The following TJP1 variants were observed in gnomAD, a reference collection of about 807,000 sequenced individuals.
TJP1 encodes tight junction protein ZO-1.
A neutral mutation model predicts 194.2 loss-of-function variants in TJP1; 43 were observed. The ratio of observed to expected loss-of-function variants is 0.22; its 90% CI spans 0.17 to 0.29. The LOEUF (loss-of-function observed/expected upper bound fraction) is 0.29, where lower values mean the gene tolerates loss of function less well. TJP1 is among the 10% of genes least tolerant of loss of function. The pLI is 1.00. For synonymous variants in TJP1, 801 were observed against 779.0 expected (o/e 1.03, Z -0.47); for missense variants, 1,971 against 2,185.7 (o/e 0.90, Z 1.96).
intron 15 of TJP1, 55 bp downstream of exon 15, chr15:29,732,378 T>C: frequency 7.0e-7 from 1 of 1,424,914 alleles, no homozygotes; most frequent in Non-Finnish European, 9.8e-7. Flanking sequence ...CAGAACTCAC[T>C]CACTTTAGAG....
At chr15:29,955,105 A>C (rs1204775600) in intron 2 of TJP1, among the ~76,000 whole-genome samples, 1 of 152,090 alleles carries the variant, frequency 6.6e-6, no homozygotes, top group Non-Finnish European at 1.5e-5. Context: ...ATAATAATAG[A>C]GTATTCACAT....
At chr15:29,945,797 A>G (rs1219530625) in intron 2 of TJP1, among the ~76,000 whole-genome samples, 2 of 97,156 alleles carry the variant, frequency 2.1e-5, no homozygotes, top group Non-Finnish European at 4.8e-5. Context: ...ACACACACAC[A>G]CACGCACACA....
intron 2 of TJP1, among the ~76,000 whole-genome samples, chr15:29,917,411 C>T (rs908151018): frequency 2.6e-5 from 4 of 152,220 alleles, no homozygotes; most frequent in African/African-American, 9.6e-5. Flanking sequence ...GTATTACCTC[C>T]TCTCCCTCCT....
intron 8 of TJP1, among the ~76,000 whole-genome samples, chr15:29,748,069 A>C (rs889678844): frequency 1.1e-4 from 16 of 152,330 alleles, no homozygotes; most frequent in South Asian, 1.0e-3. Flanking sequence ...TAATACATAA[A>C]GATCTAGAAC....
At chr15:29,824,223 C>A (rs2050606368), upstream of TJP1, 1 of 148,566 alleles carries the variant, frequency 6.7e-6, no homozygotes, top group Admixed American at 6.8e-5. Flanking sequence ...GCAGGCAGAT[C>A]ACTTGAGGTC....
intron 15 of TJP1, chr15:29,728,236 T>C (rs570174713): frequency 4.5e-6 from 2 of 448,348 alleles, no homozygotes; most frequent in African/African-American, 4.0e-5. Context: ...GGAAAAAAAC[T>C]TAGCCATTAA....
intron 9 of TJP1, among the ~76,000 whole-genome samples, chr15:29,741,998 G>A (rs2151345693): frequency 6.6e-6 from 1 of 152,234 alleles, no homozygotes; most frequent in South Asian, 2.1e-4. Context: ...TGAGGTGGGA[G>A]GACTGTTTGA....
chr15:29,760,468 C>T (rs894123626), intron 8 of TJP1, among the ~76,000 whole-genome samples: 5 of 152,114 alleles, frequency 3.3e-5, no homozygotes, highest in African/African-American at 4.8e-5. Context: ...CTCCGCTTCC[C>T]AGGTTCAAGC....
intron 1 of TJP1, among the ~76,000 whole-genome samples, chr15:29,960,051 A>C (rs2056097558): frequency 6.6e-6 from 1 of 152,186 alleles, no homozygotes; most frequent in East Asian, 1.9e-4. Context: ...GGTAGGTGTG[A>C]TCATATTTTA....
chr15:29,864,237 CAAA>C (rs397975539), intron 2 of TJP1, among the ~76,000 whole-genome samples: 348 of 18,916 alleles, frequency 0.018, 1 homozygote, highest in African/African-American at 0.048. Context: ...ACTAAAAATA[CAAA>C]AAAAAAAAAA....
chr15:29,705,571 G>A lies in TJP1; in HGVS notation c.5025C>T (p.Val1675=), dbSNP rs767289782. 1.1e-5 allele frequency: 18 copies of A among 1,614,114 alleles called. No individual in the cohort carries two copies. Among genetic ancestry groups the A allele is most frequent in the Non-Finnish European group, 1.4e-5 (17 of 1,180,058 alleles). Reference sequence around the variant, plus strand: ...GTGGAAGGATGCTGTTGTCCCGGCAGACCTTGAAATAGATTTCCTGCTCAA... The same window carrying A: ...GTGGAAGGATGCTGTTGTCCCGGCAAACCTTGAAATAGATTTCCTGCTCAA... ...EGVEQEIYFK[V]CRDNSILPPL... Residue 1675 remains valine, a synonymous_variant, in exon 26 of 28, where the codon GTC becomes GTT. Coordinates refer to ENST00000614355, the MANE Select transcript of TJP1 (RefSeq NM_001330239.4).
At chr15:29,849,981 C>T (rs1033305561) in intron 2 of TJP1, among the ~76,000 whole-genome samples, 3 of 152,114 alleles carry the variant, frequency 2.0e-5, no homozygotes, top group Admixed American at 6.5e-5. Flanking sequence ...TTGGATCACT[C>T]GCTCTGGGGA....
Position 29,719,876 on chromosome 15 carries a change from T to C in TJP1, c.2904A>G (p.Ser968=), listed in dbSNP as rs1315314814. 1 of 1,614,148 alleles carries C rather than the reference T, an allele frequency of 6.2e-7. No individual in the cohort carries two copies. The highest frequency in any genetic ancestry group is 1.1e-5 in the South Asian group (1 of 91,078). ...GTGTTCTTAAAGAATCAGCTTGTGGTGAGTAAGAGGTGGAAGGAGCTGGGG... is the reference window on the plus strand; with the variant it reads ...GTGTTCTTAAAGAATCAGCTTGTGGCGAGTAAGAGGTGGAAGGAGCTGGGG... ...EPTPAPSTSY[S]PQADSLRTPS... Residue 968 remains serine, a synonymous_variant, in exon 20 of 28, where the codon TCA becomes TCG. Coordinates refer to ENST00000614355, the MANE Select transcript of TJP1 (RefSeq NM_001330239.4).
chr15:29,795,804 T>A (rs576218741), intron 2 of TJP1, among the ~76,000 whole-genome samples: 1 of 152,184 alleles, frequency 6.6e-6, no homozygotes, highest in South Asian at 2.1e-4. Context: ...ATGGATAACA[T>A]GTAAACAATC....
At chr15:29,779,095 C>T (rs988536624) in intron 2 of TJP1, among the ~76,000 whole-genome samples, 1 of 152,142 alleles carries the variant, frequency 6.6e-6, no homozygotes, top group South Asian at 2.1e-4. Context: ...AGATAACTTC[C>T]GAATGTGGGT....
intron 2 of TJP1, among the ~76,000 whole-genome samples, chr15:29,873,515 C>G (rs1596154870): frequency 6.6e-6 from 1 of 152,220 alleles, no homozygotes; most frequent in Non-Finnish European, 1.5e-5. Context: ...TGTGATGAGT[C>G]AGTTTCTTTT....
At chr15:29,946,037 A>C (rs1019900438) in intron 2 of TJP1, among the ~76,000 whole-genome samples, 1 of 152,156 alleles carries the variant, frequency 6.6e-6, no homozygotes, top group Non-Finnish European at 1.5e-5. Context: ...CAAAAGTATA[A>C]ACTAAACCTG....
chr15:29,824,965 T>A (rs1438152897), upstream of TJP1, among the ~76,000 whole-genome samples: 1 of 152,170 alleles, frequency 6.6e-6, no homozygotes, highest in Non-Finnish European at 1.5e-5. Flanking sequence ...AAAATTATAT[T>A]TAGTATTTCA....
At chr15:29,946,672 G>C (rs973848368) in intron 2 of TJP1, among the ~76,000 whole-genome samples, 5 of 152,176 alleles carry the variant, frequency 3.3e-5, no homozygotes, top group African/African-American at 1.2e-4. Flanking sequence ...CATTTTCAGT[G>C]CCCCTTTCAT....
Sources: gnomAD v4.1 joint callset for allele counts (sites outside exome capture counted in the v4.1 genomes callset) on GRCh38, gnomAD v4.1.1 for gene constraint, MANE v1.5 for transcripts, NCBI Gene and HGNC (gene_info 2026-07-23, HGNC 2026-07-21) for gene names.